PRKCB: variants seen among roughly 807,000 people sequenced by gnomAD.
PRKCB encodes protein kinase C beta.
PRKCB carries 13 observed loss-of-function variants against 81.5 expected under a neutral mutation model. The observed-to-expected ratio is 0.16, with a 90% CI of 0.10 to 0.25. The LOEUF is 0.25. PRKCB is among the 10% of genes least tolerant of loss of function. The pLI, the probability that PRKCB is intolerant of heterozygous loss-of-function variation, is 1.00. For synonymous variants in PRKCB, 335 were observed against 321.4 expected (o/e 1.04, Z -0.45); for missense variants, 509 against 875.7 (o/e 0.58, Z 5.29).
At chr16:23,959,038 A>G (rs1419441225) in intron 2 of PRKCB, among the ~76,000 whole-genome samples, 2 of 152,220 alleles carry the variant, frequency 1.3e-5, no homozygotes, top group African/African-American at 4.8e-5. Context: ...TAATGATAGT[A>G]CCTACCACGC....
intron 2 of PRKCB, among the ~76,000 whole-genome samples, chr16:23,981,734 C>T (rs866647041): frequency 1.9e-4 from 9 of 48,460 alleles, no homozygotes; most frequent in South Asian, 9.7e-4. Flanking sequence ...TTCCCTTCCC[C>T]TTCCCTTCCC....
chr16:23,933,004 T>G (rs1423353878), intron 2 of PRKCB, among the ~76,000 whole-genome samples: 2 of 142,080 alleles, frequency 1.4e-5, no homozygotes, highest in African/African-American at 5.1e-5. Context: ...ATCTGGGATT[T>G]GGAAGTGAGA....
intron 5 of PRKCB, among the ~76,000 whole-genome samples, chr16:24,048,639 G>A (rs541454571): frequency 5.3e-5 from 8 of 151,932 alleles, no homozygotes; most frequent in Non-Finnish European, 7.4e-5. Context: ...ACAGGCATGC[G>A]CCACCATGCC....
intron 9 of PRKCB, among the ~76,000 whole-genome samples, chr16:24,152,857 T>TGTG (rs3216341): frequency 0.36 from 54,980 of 151,726 alleles, 10,285 homozygotes; most frequent in South Asian, 0.47. Flanking sequence ...TCTTTTTTAT[T>TGTG]GTGCTGGGGA....
chr16:23,837,218 C>T (rs1290505887), intron 1 of PRKCB, 157 bp from the exon 2 acceptor site: 3 of 855,646 alleles, frequency 3.5e-6, no homozygotes, highest in Admixed American at 3.8e-5. Context: ...CTCCCACCTA[C>T]CCCCACAAAG....
At chr16:24,209,802 C>A (rs777837412) in intron 16 of PRKCB, among the ~76,000 whole-genome samples, 4 of 152,050 alleles carry the variant, frequency 2.6e-5, no homozygotes, top group Non-Finnish European at 5.9e-5. Flanking sequence ...CACCAGTGAT[C>A]CTGTTTAAAT....
chr16:24,134,261 T>C (rs1303128148), intron 9 of PRKCB, among the ~76,000 whole-genome samples: 1 of 152,158 alleles, frequency 6.6e-6, no homozygotes, highest in Non-Finnish European at 1.5e-5. Flanking sequence ...TTTCTCTCTT[T>C]TTGACTTTTT....
intron 2 of PRKCB, among the ~76,000 whole-genome samples, chr16:23,838,803 A>T (rs1049440919): frequency 6.6e-6 from 1 of 152,224 alleles, no homozygotes; most frequent in African/African-American, 2.4e-5. Context: ...CGGTGGGCTC[A>T]GTGAGCCCTG....
chr16:24,119,422 G>A (rs1183289170), intron 8 of PRKCB, among the ~76,000 whole-genome samples: 1 of 152,146 alleles, frequency 6.6e-6, no homozygotes, highest in South Asian at 2.1e-4. Context: ...CCGTGCTCAC[G>A]TTTCATGGGG....
At position 23,979,601 on chromosome 16, in the gene PRKCB, G is replaced by A. The variant is rs570520816; in HGVS notation, c.206-8907G>A. ...GAAGATATGGCATAAAAGGTGTTGCGAAGGAAGAATCAGTGGGATTTAGCA... is the reference window on the plus strand; with the variant it reads ...GAAGATATGGCATAAAAGGTGTTGCAAAGGAAGAATCAGTGGGATTTAGCA... On this transcript the variant is annotated intron_variant, in intron 2 of 16. Coordinates refer to ENST00000643927, the MANE Select transcript of PRKCB (RefSeq NM_002738.7). 5.3e-5 allele frequency among the ~76,000 whole-genome samples: 8 copies of A among 152,204 alleles called. No homozygotes were observed. The South Asian group carries it at 8.3e-4, about 16-fold the overall frequency.
intron 7 of PRKCB, among the ~76,000 whole-genome samples, chr16:24,102,769 TTTTG>T (rs1443381565): frequency 1.3e-5 from 2 of 152,258 alleles, no homozygotes; most frequent in African/African-American, 4.8e-5. Context: ...TGTGTATCAA[TTTTG>T]TTTGTTTTCT....
intron 5 of PRKCB, among the ~76,000 whole-genome samples, chr16:24,074,388 T>A (rs559134852): frequency 3.3e-5 from 5 of 152,166 alleles, no homozygotes; most frequent in African/African-American, 1.2e-4. Flanking sequence ...CTCAACCCCC[T>A]CAGCTGTCAG....
chr16:23,901,520 C>G (rs927732896), intron 2 of PRKCB, among the ~76,000 whole-genome samples: 10 of 152,012 alleles, frequency 6.6e-5, no homozygotes, highest in Non-Finnish European at 1.5e-4. Flanking sequence ...TGAGGGAATT[C>G]GAAGAGGAGG....
At chr16:24,163,607 C>G (rs1418834928) in intron 10 of PRKCB, among the ~76,000 whole-genome samples, 2 of 152,082 alleles carry the variant, frequency 1.3e-5, no homozygotes, top group African/African-American at 4.8e-5. Context: ...AAGCTGAAAA[C>G]AAACAAACAA....
At chr16:24,187,015 A>G (rs976781624) in intron 15 of PRKCB, among the ~76,000 whole-genome samples, 2 of 152,208 alleles carry the variant, frequency 1.3e-5, no homozygotes, top group Admixed American at 1.3e-4. Context: ...ATAAAGAAAA[A>G]AAAGGCACAC....
intron 2 of PRKCB, among the ~76,000 whole-genome samples, chr16:23,872,423 T>C (rs1343247687): frequency 6.6e-6 from 1 of 152,150 alleles, no homozygotes; most frequent in Admixed American, 6.6e-5. Context: ...CGGGGGGCTG[T>C]GGTGGGAGGA....
intron 9 of PRKCB, among the ~76,000 whole-genome samples, chr16:24,132,921 C>T (rs886988833): frequency 6.6e-6 from 1 of 152,154 alleles, no homozygotes; most frequent in Non-Finnish European, 1.5e-5. Context: ...GCTGGCATTA[C>T]AGGCATGAGC....
At chr16:23,905,367 G>A (rs909747747) in intron 2 of PRKCB, among the ~76,000 whole-genome samples, 1 of 152,148 alleles carries the variant, frequency 6.6e-6, no homozygotes, top group Non-Finnish European at 1.5e-5. Flanking sequence ...GCTTGAAGAG[G>A]ATATCTCTCT....
chr16:23,980,547 T>C (rs1184612677), intron 2 of PRKCB, among the ~76,000 whole-genome samples: 2 of 152,212 alleles, frequency 1.3e-5, no homozygotes, highest in African/African-American at 4.8e-5. Context: ...TGAGCTAATG[T>C]CCTTCAGCTT....
Sources: allele counts gnomAD v4.1 joint callset (sites outside exome capture counted in the v4.1 genomes callset), GRCh38; gene constraint gnomAD v4.1.1; transcripts MANE v1.5; gene names NCBI Gene and HGNC (gene_info 2026-07-23, HGNC 2026-07-21).